The following IL17RD variants were observed in gnomAD, a reference collection of about 807,000 sequenced individuals.
IL17RD encodes the protein interleukin 17 receptor D.
IL17RD carries 52 observed loss-of-function variants against 80.5 expected under a neutral mutation model. The observed-to-expected ratio is 0.65, with a 90% CI of 0.52 to 0.81. The LOEUF is 0.81. Ranked by LOEUF, IL17RD falls within the 40% of genes least tolerant of loss-of-function variation. The pLI is 0.00. For synonymous variants in IL17RD, 416 were observed against 391.8 expected, an observed-to-expected ratio of 1.06 and a Z score of -0.73; for missense variants, 1,024 against 955.1, an observed-to-expected ratio of 1.07 and a Z score of -0.95.
chr3:57,148,243 T>TGAACCCA (rs2107533391), intron 1 of IL17RD, among the ~76,000 whole-genome samples: 1 of 150,852 alleles, frequency 6.6e-6, no homozygotes, highest in South Asian at 2.1e-4. Context: ...GAGAATCGCT[T>TGAACCCA]GAACCCAGAA....
intron 1 of IL17RD, among the ~76,000 whole-genome samples, chr3:57,160,109 T>C (rs557608430): frequency 1.1e-4 from 16 of 152,114 alleles, no homozygotes; most frequent in East Asian, 5.8e-4. Context: ...GAGGCGGAGA[T>C]TGCAGTGAGC....
At chr3:57,108,403 G>A (rs1707012972) in intron 5 of IL17RD, among the ~76,000 whole-genome samples, 1 of 150,814 alleles carries the variant, frequency 6.6e-6, no homozygotes, top group South Asian at 2.1e-4. Context: ...GCCCAGGCTG[G>A]CCTCAAACTC....
chr3:57,098,025 A>G lies in IL17RD; in HGVS notation c.1678T>C (p.Phe560Leu). ...HQFIDEEPDW[F>L]EKQFVPFHPP... ...TGGAAGGGAACGAACTGCTTTTCGA[A>G]CCAGTCGGGCTCCTCGTCAATAAAC... is the stretch of plus-strand genomic sequence containing the variant. Residue 560 changes from phenylalanine (F) to leucine (L), a missense_variant, in exon 12 of 13, where the codon TTC (phenylalanine) becomes CTC (leucine). By Grantham distance (22) the Phe-to-Leu change is conservative. Coordinates refer to ENST00000296318, the MANE Select transcript of IL17RD (RefSeq NM_017563.5). 6.2e-7 allele frequency: 1 copy of G among 1,614,004 alleles called. No individual in the cohort carries two copies. The highest frequency in any genetic ancestry group is 8.5e-7 in the Non-Finnish European group (1 of 1,179,886).
intron 1 of IL17RD, among the ~76,000 whole-genome samples, chr3:57,131,619 C>T (rs1458831353): frequency 2.0e-5 from 3 of 152,134 alleles, no homozygotes; most frequent in South Asian, 2.1e-4. Flanking sequence ...GCAATCCTAC[C>T]GTCATCCCTC....
chr3:57,168,181 G>C (rs1387291640), upstream of IL17RD, among the ~76,000 whole-genome samples: 1 of 152,146 alleles, frequency 6.6e-6, no homozygotes, highest in East Asian at 1.9e-4. Flanking sequence ...GCAGTACTTA[G>C]CACTTACAAG....
At chr3:57,109,165 CT>C (rs927786377) in intron 5 of IL17RD, among the ~76,000 whole-genome samples, 4 of 152,056 alleles carry the variant, frequency 2.6e-5, no homozygotes, top group Admixed American at 6.6e-5. Context: ...TTGTTTCCCC[CT>C]GAGATGGAAT....
At chr3:57,134,733 C>A in intron 1 of IL17RD, 3 of 633,064 alleles carry the variant, frequency 4.7e-6, no homozygotes, top group Admixed American at 2.0e-5. Flanking sequence ...AAAGCTCCCC[C>A]TTTGTCTGTA....
intron 2 of IL17RD, among the ~76,000 whole-genome samples, chr3:57,115,581 C>T (rs147272590): frequency 8.9e-4 from 136 of 152,296 alleles, no homozygotes; most frequent in African/African-American, 3.2e-3. Context: ...CCTTCAAAAT[C>T]GGCAAGTTTC....
At position 57,109,594 on chromosome 3, in the gene IL17RD, G is replaced by A. The variant is rs770777224; in HGVS notation, c.493C>T (p.Pro165Ser). The A allele has an allele frequency of 6.2e-7, 1 of 1,613,476 alleles. No individual in the cohort carries two copies. The highest frequency in any genetic ancestry group is 8.5e-7 in the Non-Finnish European group (1 of 1,179,466). Residue 165 changes from proline (P) to serine (S), a missense_variant, in exon 5 of 13, where the codon CCT (proline) becomes TCT (serine). By Grantham distance (74) the Pro-to-Ser change is moderately conservative. Coordinates refer to ENST00000296318, the MANE Select transcript of IL17RD (RefSeq NM_017563.5). ...CTTTCGTTTTTAATGGAAGGAAAAGGGACAACCTTTACGAAATAATCCGTT... is the reference window on the plus strand; with the variant it reads ...CTTTCGTTTTTAATGGAAGGAAAAGAGACAACCTTTACGAAATAATCCGTT... ...FETDYFVKVV[P>S]FPSIKNESNY...
intron 1 of IL17RD, among the ~76,000 whole-genome samples, chr3:57,128,958 A>G (rs1050036862): frequency 1.3e-5 from 2 of 152,212 alleles, no homozygotes; most frequent in African/African-American, 4.8e-5. Flanking sequence ...AATCACAAAT[A>G]GACAGGATTG....
chr3:57,165,400 G>T (rs1036703256), upstream of IL17RD: 3 of 911,382 alleles, frequency 3.3e-6, no homozygotes, highest in Non-Finnish European at 2.8e-6. Flanking sequence ...GGACCGCACT[G>T]GGCATGCGTT....
intron 8 of IL17RD, among the ~76,000 whole-genome samples, chr3:57,103,673 T>C (rs982962357): frequency 1.3e-5 from 2 of 152,232 alleles, no homozygotes; most frequent in East Asian, 3.8e-4. Context: ...ACCAATTTGA[T>C]ACAGGAAAAG....
intron 1 of IL17RD, among the ~76,000 whole-genome samples, chr3:57,129,095 G>A (rs996225292): frequency 9.9e-5 from 15 of 152,152 alleles, no homozygotes; most frequent in African/African-American, 3.4e-4. Context: ...GCATGTTAGA[G>A]AACTGGCATC....
rs117735573 is a variant in IL17RD at position 57,140,823 on chromosome 3, T to C, written c.127-20510A>G. On this transcript the variant is annotated intron_variant, in intron 1 of 12. Coordinates refer to ENST00000296318, the MANE Select transcript of IL17RD (RefSeq NM_017563.5). ...TAATATTCTAGGAAACAGTAACTATTACACTGGTTCAATGCTTATCACTAA... is the reference window on the plus strand; with the variant it reads ...TAATATTCTAGGAAACAGTAACTATCACACTGGTTCAATGCTTATCACTAA... Among the ~76,000 whole-genome samples the C allele has an allele frequency of 1.8e-4, 27 of 152,220 alleles. No individual in the cohort carries two copies. In the East Asian group the frequency reaches 4.8e-3, roughly 27 times the overall value.
chr3:57,144,928 A>AT (rs1033908830), intron 1 of IL17RD, among the ~76,000 whole-genome samples: 1 of 150,194 alleles, frequency 6.7e-6, no homozygotes, highest in African/African-American at 2.4e-5. Context: ...GTGTGTGTGT[A>AT]TGTGTGTATC....
rs1270572383 is a variant in IL17RD, at chr3:57,090,151, TATCCCACTAG to T, written c.*6232_*6241del. ...TGTTAAGAGTTCTGTCAGTGCTCAT[TATCCCACTAG>T]ATCCCACAAAGGGCAAACTCAAAGA... On this transcript the variant is annotated 3_prime_UTR_variant, in exon 13 of 13. Coordinates refer to ENST00000296318, the MANE Select transcript of IL17RD (RefSeq NM_017563.5). The T allele has an allele frequency of 5.9e-5, 9 of 152,632 alleles. No individual in the cohort carries two copies. Among genetic ancestry groups the T allele is most frequent in the African/African-American group, 2.2e-4 (9 of 41,432 alleles). 9.5% of individuals were successfully genotyped at this position (152,632 alleles called of 1,614,324 possible).
chr3:57,098,449 G>A lies in IL17RD; in HGVS notation c.1254C>T (p.Ile418=). Residue 418 remains isoleucine (I), a synonymous_variant, in exon 12 of 13, where the codon ATC becomes ATT. Transcript: ENST00000296318. ...VIQKIHESQF[I]IVVCSKGMKY... ...TCATACCTTTGGAACAAACCACAAT[G>A]ATGAACTGGGACTCGTGGATCTTCT... 1 of 1,613,938 alleles carries A rather than the reference G, an allele frequency of 6.2e-7. No homozygotes were observed. The highest frequency in any genetic ancestry group is 8.5e-7 in the Non-Finnish European group (1 of 1,179,870).
chr3:57,167,694 T>C (rs1357602740), upstream of IL17RD, among the ~76,000 whole-genome samples: 1 of 152,256 alleles, frequency 6.6e-6, no homozygotes, highest in East Asian at 1.9e-4. Context: ...TATACATTTC[T>C]AGAATCAGAA....
chr3:57,092,101 C>T lies in IL17RD; in HGVS notation c.*4292G>A, dbSNP rs1706568064. 1 of 152,636 alleles carries T rather than the reference C, an allele frequency of 6.6e-6. No individual in the cohort carries two copies. Among genetic ancestry groups the T allele is most frequent in the Non-Finnish European group, 1.5e-5 (1 of 68,038 alleles). 9.5% of individuals were successfully genotyped at this position (152,636 alleles called of 1,614,324 possible). On this transcript the variant is annotated 3_prime_UTR_variant, in exon 13 of 13. Coordinates refer to ENST00000296318, the MANE Select transcript of IL17RD (RefSeq NM_017563.5). The stretch of plus-strand genomic sequence containing the variant: ...TCACACCTCCAAAACACAGTCAATT[C>T]ACAGACCACTTAAAACGGAAGATAA...
Sources: gnomAD v4.1 joint callset for allele counts (sites outside exome capture counted in the v4.1 genomes callset) on GRCh38, gnomAD v4.1.1 for gene constraint, MANE v1.5 for transcripts, NCBI Gene and HGNC (gene_info 2026-07-23, HGNC 2026-07-21) for gene names.